The following ZBTB24 variants were observed in gnomAD, a reference collection of about 807,000 sequenced individuals.
ZBTB24 encodes the protein zinc finger and BTB domain-containing protein 24.
Under a neutral mutation model 53.8 loss-of-function variants are expected in ZBTB24, and 32 were observed. That is an observed-to-expected ratio of 0.60 (90% CI 0.45 to 0.80). The LOEUF (loss-of-function observed/expected upper bound fraction) is 0.80. Among genes scored for constraint, ZBTB24 ranks in the 30% least tolerant of loss-of-function variants. The pLI is 0.00. For missense variants in ZBTB24, 722 were observed against 837.1 expected (o/e 0.86, Z 1.70); for synonymous variants, 297 against 306.7 (o/e 0.97, Z 0.33).
At chr6:109,466,723 A>C in intron 6 of ZBTB24, 149 bp from the exon 7 acceptor site, 1 of 1,170,638 alleles carries the variant, frequency 8.5e-7, no homozygotes, top group Non-Finnish European at 1.2e-6. Context: ...AAGGACTTGA[A>C]GCAAGTCTCG....
chr6:109,468,176 A>C (rs964985188), intron 5 of ZBTB24, among the ~76,000 whole-genome samples: 1 of 151,920 alleles, frequency 6.6e-6, no homozygotes, highest in Admixed American at 6.6e-5. Flanking sequence ...CCAGAATCTG[A>C]CCACTGCTCA....
At chr6:109,475,862 T>TGA (rs1776267280) in intron 4 of ZBTB24, among the ~76,000 whole-genome samples, 1 of 152,256 alleles carries the variant, frequency 6.6e-6, no homozygotes, top group South Asian at 2.1e-4. Context: ...CATGGGATGA[T>TGA]GATGTCTCTG....
intron 5 of ZBTB24, among the ~76,000 whole-genome samples, chr6:109,470,841 G>A (rs1481461277): frequency 1.3e-5 from 2 of 152,020 alleles, no homozygotes; most frequent in South Asian, 2.1e-4. Context: ...GTTTATTTGC[G>A]GTCTTACTGT....
Position 109,466,392 on chromosome 6 carries a change from G to C in ZBTB24, c.1553C>G (p.Ala518Gly), listed in dbSNP as rs1042762656. 2 of 1,614,060 alleles carry C rather than the reference G, an allele frequency of 1.2e-6. No individual in the cohort carries two copies. Among genetic ancestry groups the C allele is most frequent in the African/African-American group, 2.7e-5 (2 of 74,914 alleles). The change falls in exon 7 of 7, where the codon GCT becomes GGT. Residue 518 changes from alanine to glycine, a missense_variant. By Grantham distance (60) the Ala-to-Gly change is moderately conservative. Transcript: ENST00000230122. ...GCCAGAAATGCTGCTGGCATCTGAA[G>C]CATGCTTCTCCTTGCTATGAATTTT... ...HLKIHSKEKH[A>G]SDASSISGSS...
chr6:109,480,520 A>T (rs1488117496), intron 2 of ZBTB24, among the ~76,000 whole-genome samples: 1 of 152,220 alleles, frequency 6.6e-6, no homozygotes, highest in Non-Finnish European at 1.5e-5. Flanking sequence ...TCATCACAGA[A>T]GGGTCCCATT....
rs1776010373 is a variant in ZBTB24, at chr6:109,465,446, T to G, written c.*405A>C. 1.7e-6 allele frequency: 1 copy of G among 587,944 alleles called. No homozygotes were observed. The highest frequency in any genetic ancestry group is 3.0e-6 in the Non-Finnish European group (1 of 335,262). 36.4% of individuals were successfully genotyped at this position (587,944 alleles called of 1,614,324 possible). The stretch of plus-strand genomic sequence containing the variant: ...AATAAGAAAATAGAACAAACCATTC[T>G]GCCCAGTTCAACCAAAATGACTCCC... On this transcript the variant is annotated 3_prime_UTR_variant, in exon 7 of 7. Transcript: ENST00000230122.
At chr6:109,466,737 C>T (rs1406529016) in intron 6 of ZBTB24, among the ~76,000 whole-genome samples, 163 bp from the exon 7 acceptor site, 1 of 152,124 alleles carries the variant, frequency 6.6e-6, no homozygotes, top group East Asian at 1.9e-4. Flanking sequence ...AGTCTCGCTT[C>T]CATGGGCAGT....
In ZBTB24 at chr6:109,465,365, A is replaced by G; in HGVS notation, c.*486T>C. 2.4e-6 allele frequency: 1 copy of G among 423,246 alleles called. No homozygotes were observed. Among genetic ancestry groups the G allele is most frequent in the Non-Finnish European group, 4.2e-6 (1 of 236,462 alleles). The allele number at this position is 423,246 out of a possible 1,614,324, so 26.2% of individuals were successfully genotyped here. A position where few individuals can be genotyped will look rare whatever the true frequency, so the allele number is the denominator to read the frequency against. On this transcript the variant is annotated 3_prime_UTR_variant, in exon 7 of 7. Coordinates refer to ENST00000230122, the MANE Select transcript of ZBTB24 (RefSeq NM_014797.3). ...AAGGGCAAATTCCCCATACATTGTGATCTGTCATATTTAGCCCTGACTTGT... is the reference window on the plus strand; with the variant it reads ...AAGGGCAAATTCCCCATACATTGTGGTCTGTCATATTTAGCCCTGACTTGT...
Position 109,475,452 on chromosome 6 carries a change from T to A in ZBTB24, c.1235A>T (p.His412Leu), listed in dbSNP as rs548726702. The change falls in exon 5 of 7, where the codon CAT (histidine) becomes CTT (leucine). Residue 412 changes from histidine (H) to leucine (L), a missense_variant. Transcript: ENST00000230122. The stretch of plus-strand genomic sequence containing the variant: ...CTGAGACACATCCATGAATTTGCGA[T>A]GGCAGTCTTTGCATTCCGGTAATGA... ...GHSLPECKDC[H>L]RKFMDVSQLK... 1 of 1,614,238 alleles carries A rather than the reference T, an allele frequency of 6.2e-7. No individual in the cohort carries two copies. The highest frequency in any genetic ancestry group is 1.3e-5 in the African/African-American group (1 of 75,056).
Position 109,466,443 on chromosome 6 carries a change from C to T in ZBTB24, c.1502G>A (p.Arg501His), listed in dbSNP as rs753016937. ...CAAGTGAGCCTTCAAGTTGTCTAAG[C>T]GAGCAAACTGTAAGTTACACTCAGG... ...SCPECNLQFARLDNLKAHLKI... is the reference protein window; with the variant it reads ...SCPECNLQFAHLDNLKAHLKI... The change falls in exon 7 of 7, where the codon CGC becomes CAC. Residue 501 changes from arginine to histidine, a missense_variant. Coordinates refer to ENST00000230122, the MANE Select transcript of ZBTB24 (RefSeq NM_014797.3). 2.5e-6 allele frequency: 4 copies of T among 1,614,122 alleles called. No individual in the cohort carries two copies. Among genetic ancestry groups the T allele is most frequent in the African/African-American group, 1.3e-5 (1 of 75,016 alleles).
At position 109,466,352 on chromosome 6, in the gene ZBTB24, T is replaced by A. The variant is rs187366734; in HGVS notation, c.1593A>T (p.Glu531Asp). ...GTAGCTGAAGAATATTCCTGACCTC[T>A]TCTGTATTACTACTGCCAGAAATGC... ...ASSISGSSNT[E>D]EVRNILQLQP... is the part of the protein sequence containing the mutation. The change falls in exon 7 of 7, where the codon GAA (glutamate) becomes GAT (aspartate). Residue 531 changes from glutamate to aspartate, a missense_variant. Physicochemically the swap from Glu to Asp is conservative, Grantham distance 45. Coordinates refer to ENST00000230122, the MANE Select transcript of ZBTB24 (RefSeq NM_014797.3). 215 of 1,614,244 alleles carry A rather than the reference T, an allele frequency of 1.3e-4. No homozygotes were observed. The highest frequency in any genetic ancestry group is 7.6e-6 in the Non-Finnish European group (9 of 1,180,044).
At chr6:109,477,530 AG>A (rs1776305120) in intron 2 of ZBTB24, among the ~76,000 whole-genome samples, 1 of 152,194 alleles carries the variant, frequency 6.6e-6, no homozygotes. Context: ...AACAGGGGTG[AG>A]GGAGGGTAAA....
In ZBTB24 at chr6:109,465,566, A is replaced by G; in HGVS notation, c.*285T>C. 7.7e-7 allele frequency: 1 copy of G among 1,292,370 alleles called. No individual in the cohort carries two copies. Among genetic ancestry groups the G allele is most frequent in the Non-Finnish European group, 1.1e-6 (1 of 938,914 alleles). 80.1% of individuals were successfully genotyped at this position (1,292,370 alleles called of 1,614,324 possible). A position where few individuals can be genotyped will look rare whatever the true frequency, so the allele number is the denominator to read the frequency against. On this transcript the variant is annotated 3_prime_UTR_variant, in exon 7 of 7. Coordinates refer to ENST00000230122, the MANE Select transcript of ZBTB24 (RefSeq NM_014797.3). ...TAAACCTTACAGAAAAACTGAGATC[A>G]ATGCCCCCAAAGAAAAACTACCCGA...
rs1775970433 is a variant in ZBTB24 at position 109,463,910 on chromosome 6, T to A, written c.*1941A>T. The stretch of plus-strand genomic sequence containing the variant: ...GTTGTTCATGTTATAGTTCTCTTAG[T>A]GTAGAGGTAGACTGTTATAGAGCCA... On this transcript the variant is annotated 3_prime_UTR_variant, in exon 7 of 7. Coordinates refer to ENST00000230122, the MANE Select transcript of ZBTB24 (RefSeq NM_014797.3). The A allele has an allele frequency of 6.6e-6, 1 of 152,234 alleles. No homozygotes were observed. Among genetic ancestry groups the A allele is most frequent in the Admixed American group, 6.5e-5 (1 of 15,282 alleles). The allele number at this position is 152,234 out of a possible 1,614,324, so 9.4% of individuals were successfully genotyped here.
chr6:109,476,375 C>A, intron 3 of ZBTB24, 117 bp from the exon 4 acceptor site: 2 of 1,023,218 alleles, frequency 2.0e-6, no homozygotes, highest in Non-Finnish European at 3.0e-6. Context: ...ATGATACAAG[C>A]GACTTGTTTA....
chr6:109,481,165 G>A lies in ZBTB24; in HGVS notation c.862C>T (p.Arg288Cys), dbSNP rs1776400944. Residue 288 changes from arginine to cysteine, a missense_variant, in exon 2 of 7, where the codon CGC becomes TGC. Physicochemically the swap from Arg to Cys is radical, Grantham distance 180 (BLOSUM62 -3). Transcript: ENST00000230122. ...SAKRICGRRK[R>C]PGGPEARCKD... Reference sequence around the variant, plus strand: ...CAGCGGGCCTCAGGGCCTCCAGGGCGCTTTCTCCTTCCACAGATCCTCTTG... The same window carrying A: ...CAGCGGGCCTCAGGGCCTCCAGGGCACTTTCTCCTTCCACAGATCCTCTTG... The A allele has an allele frequency of 3.1e-6, 5 of 1,614,196 alleles. No homozygotes were observed. The highest frequency in any genetic ancestry group is 2.2e-5 in the East Asian group (1 of 44,892).
chr6:109,473,335 G>A (rs575587416), intron 5 of ZBTB24, among the ~76,000 whole-genome samples: 31 of 152,102 alleles, frequency 2.0e-4, no homozygotes, highest in African/African-American at 6.0e-4. Context: ...CTCCCAGCAC[G>A]TCTCCAGCTT....
chr6:109,472,801 T>C (rs894889747), intron 5 of ZBTB24, among the ~76,000 whole-genome samples: 9 of 152,218 alleles, frequency 5.9e-5, no homozygotes, highest in African/African-American at 2.2e-4. Context: ...TCCCTAGCTT[T>C]TCCTCCTCAC....
Position 109,476,861 on chromosome 6 carries a change from G to A in ZBTB24, c.1022C>T (p.Thr341Ile). ...CGGCCGCTCGCCTGTGTGCATCCTG[G>A]TGTGGACCTGTAGCGAGTGCTTCTG... ...FAQKHSLQVH[T>I]RMHTGERPYT... Residue 341 changes from threonine to isoleucine, a missense_variant, in exon 3 of 7, where the codon ACC becomes ATC. Thr to Ile is a moderately conservative substitution (Grantham distance 89). Transcript: ENST00000230122. 1 of 1,614,228 alleles carries A rather than the reference G, an allele frequency of 6.2e-7. No homozygotes were observed. The highest frequency in any genetic ancestry group is 8.5e-7 in the Non-Finnish European group (1 of 1,180,042).
Sources: gnomAD v4.1 joint callset for allele counts (sites outside exome capture counted in the v4.1 genomes callset) on GRCh38, gnomAD v4.1.1 for gene constraint, MANE v1.5 for transcripts, NCBI Gene and HGNC (gene_info 2026-07-23, HGNC 2026-07-21) for gene names.